SKAP1: variants seen among roughly 807,000 people sequenced by gnomAD.
SKAP1 encodes src kinase-associated phosphoprotein 1.
Under a neutral mutation model 58.5 loss-of-function variants are expected in SKAP1, and 44 were observed. The observed-to-expected ratio is 0.75, with a 90% CI of 0.59 to 0.97. The LOEUF (loss-of-function observed/expected upper bound fraction) is 0.97. Ranked by LOEUF, SKAP1 falls within the 50% of genes least tolerant of loss-of-function variation. The pLI is 0.00. For missense variants in SKAP1, 390 were observed against 435.2 expected (o/e 0.90, Z 0.92); for synonymous variants, 127 against 149.7 (o/e 0.85, Z 1.11).
rs546487665 is a variant in SKAP1, at chr17:48,341,378, T to A, written c.280+4527A>T. Reference sequence around the variant, plus strand: ...ATATCTAATGCTTTCTCCCCACTATTATAAAAATAAAACCCACAATGATCA... The same window carrying A: ...ATATCTAATGCTTTCTCCCCACTATAATAAAAATAAAACCCACAATGATCA... On this transcript the variant is annotated intron_variant, in intron 4 of 12. Transcript: ENST00000336915. Among the ~76,000 whole-genome samples the A allele has an allele frequency of 3.9e-5, 6 of 152,268 alleles. No individual in the cohort carries two copies. The South Asian group carries it at 1.0e-3, about 26-fold the overall frequency.
chr17:48,315,687 A>G (rs539870711), intron 4 of SKAP1, among the ~76,000 whole-genome samples: 1 of 152,320 alleles, frequency 6.6e-6, no homozygotes, highest in African/African-American at 2.4e-5. Flanking sequence ...CCAAAAGCCC[A>G]AGATTCAAAA....
intron 4 of SKAP1, among the ~76,000 whole-genome samples, chr17:48,325,014 C>T (rs1193911485): frequency 6.6e-6 from 1 of 151,596 alleles, no homozygotes; most frequent in Non-Finnish European, 1.5e-5. Context: ...TTTGGGAGGC[C>T]GAGGCGGGCG....
chr17:48,410,343 T>C (rs2067646591), intron 1 of SKAP1, among the ~76,000 whole-genome samples: 1 of 152,154 alleles, frequency 6.6e-6, no homozygotes, highest in Non-Finnish European at 1.5e-5. Flanking sequence ...TAGAAACATA[T>C]AAATCAGGTT....
chr17:48,211,777 C>T (rs555136763), intron 4 of SKAP1, among the ~76,000 whole-genome samples: 2 of 152,232 alleles, frequency 1.3e-5, no homozygotes, highest in East Asian at 3.9e-4. Context: ...TCAAACCCTT[C>T]GCCCTTTCCT....
chr17:48,286,838 C>T (rs2065835894), intron 4 of SKAP1, among the ~76,000 whole-genome samples: 1 of 152,198 alleles, frequency 6.6e-6, no homozygotes, highest in Non-Finnish European at 1.5e-5. Flanking sequence ...GTGGCTCATG[C>T]CTGTAATCCA....
intron 4 of SKAP1, among the ~76,000 whole-genome samples, chr17:48,252,630 G>A (rs949523346): frequency 6.6e-6 from 1 of 151,866 alleles, no homozygotes; most frequent in African/African-American, 2.4e-5. Flanking sequence ...ATTCAGATAA[G>A]TTTACATTGG....
At chr17:48,341,030 A>G (rs2066644233) in intron 4 of SKAP1, among the ~76,000 whole-genome samples, 1 of 152,230 alleles carries the variant, frequency 6.6e-6, no homozygotes, top group Non-Finnish European at 1.5e-5. Context: ...TAGATGTGTC[A>G]TCCTTGGTCA....
intron 4 of SKAP1, among the ~76,000 whole-genome samples, chr17:48,342,929 G>C (rs906463272): frequency 4.0e-5 from 6 of 151,510 alleles, no homozygotes; most frequent in Admixed American, 6.6e-5. Flanking sequence ...AGTTTGCAGT[G>C]AGCCGAGATC....
chr17:48,351,357 T>G (rs1409141681), intron 3 of SKAP1, among the ~76,000 whole-genome samples: 1 of 152,228 alleles, frequency 6.6e-6, no homozygotes, highest in Non-Finnish European at 1.5e-5. Context: ...GGTTAGTTCT[T>G]GTGATTAATC....
intron 4 of SKAP1, among the ~76,000 whole-genome samples, chr17:48,240,193 C>G (rs2924257): frequency 0.49 from 74,681 of 151,482 alleles, 20,109 homozygotes; most frequent in East Asian, 0.71. Flanking sequence ...AAAAAAAAAG[C>G]CAAAGCTGCA....
chr17:48,389,951 C>T lies in SKAP1; in HGVS notation c.152+6729G>A, dbSNP rs141061445. ...GTTGGTAATGTGTGCATTTTTGGAACATTTATTTAAAAAAATAATTCCAAA... is the reference window on the plus strand; with the variant it reads ...GTTGGTAATGTGTGCATTTTTGGAATATTTATTTAAAAAAATAATTCCAAA... On this transcript the variant is annotated intron_variant, in intron 2 of 12. Transcript: ENST00000336915. Among the ~76,000 whole-genome samples, 46 of 152,176 alleles carry T rather than the reference C, an allele frequency of 3.0e-4. No individual in the cohort carries two copies. The East Asian group carries it at 7.7e-3, about 26-fold the overall frequency.
chr17:48,280,384 C>T (rs2065751486), intron 4 of SKAP1, among the ~76,000 whole-genome samples: 4 of 151,944 alleles, frequency 2.6e-5, no homozygotes. Flanking sequence ...GCAGGAGAAT[C>T]ACTTGAACCT....
intron 1 of SKAP1, among the ~76,000 whole-genome samples, chr17:48,416,698 A>G (rs2067735134): frequency 6.6e-6 from 1 of 152,218 alleles, no homozygotes; most frequent in Admixed American, 6.5e-5. Context: ...TCGTTAAGTT[A>G]CATATTGCTA....
intron 4 of SKAP1, among the ~76,000 whole-genome samples, chr17:48,316,373 T>C (rs1383881768): frequency 6.6e-6 from 1 of 152,158 alleles, no homozygotes; most frequent in Non-Finnish European, 1.5e-5. Flanking sequence ...TGCTATTCCC[T>C]GTGTCTGGAA....
chr17:48,436,641 CTCTA>C, the SKAP1 span, among the ~76,000 whole-genome samples: 4 of 152,222 alleles, frequency 2.6e-5, no homozygotes, highest in South Asian at 6.2e-4. Context: ...CCTTGGTCTT[CTCTA>C]TCCTTAAAAA....
At chr17:48,375,999 G>A (rs2067146153) in intron 2 of SKAP1, among the ~76,000 whole-genome samples, 1 of 152,112 alleles carries the variant, frequency 6.6e-6, no homozygotes, top group Non-Finnish European at 1.5e-5. Context: ...ACGCCTTTCG[G>A]TTCCAAACTT....
At chr17:48,135,947 A>G (rs371572991) in intron 12 of SKAP1, among the ~76,000 whole-genome samples, 30 of 152,198 alleles carry the variant, frequency 2.0e-4, no homozygotes, top group African/African-American at 7.0e-4. Context: ...CTGGGGATAA[A>G]CCTAGATCCA....
chr17:48,267,068 A>G (rs1382533685), intron 4 of SKAP1, among the ~76,000 whole-genome samples: 2 of 152,196 alleles, frequency 1.3e-5, no homozygotes, highest in African/African-American at 4.8e-5. Flanking sequence ...ATGTGATGCC[A>G]AGCCAATAAT....
At chr17:48,237,833 C>T (rs935938678) in intron 4 of SKAP1, among the ~76,000 whole-genome samples, 5 of 151,420 alleles carry the variant, frequency 3.3e-5, no homozygotes, top group Admixed American at 2.6e-4. Context: ...ATCCACAACA[C>T]ATTGAAGGGT....
Sources: allele counts gnomAD v4.1 joint callset (sites outside exome capture counted in the v4.1 genomes callset), GRCh38; gene constraint gnomAD v4.1.1; transcripts MANE v1.5; gene names NCBI Gene and HGNC (gene_info 2026-07-23, HGNC 2026-07-21).